UBE2W: variants seen among roughly 807,000 people sequenced by gnomAD.
The protein encoded by UBE2W is ubiquitin conjugating enzyme E2 W, also known as ubiquitin-conjugating enzyme E2 W.
A neutral mutation model predicts 27.2 loss-of-function variants in UBE2W; 18 were observed. The observed-to-expected ratio is 0.66, with a 90% CI of 0.46 to 0.98. UBE2W has a LOEUF of 0.98. UBE2W is among the 50% of genes least tolerant of loss of function. UBE2W has a pLI of 0.00. For synonymous variants in UBE2W, 53 were observed against 57.2 expected (o/e 0.93, Z 0.33); for missense variants, 90 against 180.2 (o/e 0.50, Z 2.87).
intron 1 of UBE2W, among the ~76,000 whole-genome samples, chr8:73,844,682 C>A (rs1170047680): frequency 6.6e-6 from 1 of 151,578 alleles, no homozygotes; most frequent in Non-Finnish European, 1.5e-5. Flanking sequence ...TCCCGGCCGT[C>A]ATCTCGTCTA....
rs1809114549 is a variant in UBE2W, at chr8:73,810,641, T to C, written c.211-12A>G. On this transcript the variant is annotated splice_polypyrimidine_tract_variant and intron_variant, in intron 3 of 5. Coordinates refer to ENST00000602593, the MANE Select transcript of UBE2W (RefSeq NM_018299.6). ...CCAGTAAACATGACCTAAGAGAGAA[T>C]AAAATTCCATTAAAACTCAAATATT... 1 of 1,527,310 alleles carries C rather than the reference T, an allele frequency of 6.5e-7. No individual in the cohort carries two copies. Among genetic ancestry groups the C allele is most frequent in the Non-Finnish European group, 8.8e-7 (1 of 1,139,760 alleles). 94.6% of individuals were successfully genotyped at this position (1,527,310 alleles called of 1,614,324 possible). A position where few individuals can be genotyped will look rare whatever the true frequency, so the allele number is the denominator to read the frequency against.
intron 3 of UBE2W, among the ~76,000 whole-genome samples, chr8:73,819,979 T>C (rs1322892578): frequency 6.6e-6 from 1 of 152,150 alleles, no homozygotes; most frequent in African/African-American, 2.4e-5. Flanking sequence ...TGAAAGACTT[T>C]TCTTTCTTTT....
chr8:73,839,760 G>C (rs1175076508), intron 1 of UBE2W, among the ~76,000 whole-genome samples: 1 of 89,228 alleles, frequency 1.1e-5, no homozygotes, highest in African/African-American at 4.7e-5. Context: ...ACAGAATCTT[G>C]CTCTGCCACC....
intron 1 of UBE2W, among the ~76,000 whole-genome samples, chr8:73,856,734 G>A (rs1360662134): frequency 6.6e-6 from 1 of 150,988 alleles, no homozygotes; most frequent in African/African-American, 2.4e-5. Context: ...GAGACAGGGT[G>A]TTGCTCTATT....
chr8:73,820,125 A>G (rs1563590780), intron 3 of UBE2W, among the ~76,000 whole-genome samples: 1 of 152,148 alleles, frequency 6.6e-6, no homozygotes, highest in Admixed American at 6.5e-5. Context: ...TAATTTAGGT[A>G]ACAAGTGCTA....
At chr8:73,797,845 C>A (rs559041972) in intron 5 of UBE2W, among the ~76,000 whole-genome samples, 25 of 152,310 alleles carry the variant, frequency 1.6e-4, no homozygotes, top group Admixed American at 1.6e-3. Flanking sequence ...CTTCAACAAA[C>A]AGGAGCCTTA....
intron 1 of UBE2W, among the ~76,000 whole-genome samples, chr8:73,861,049 TC>T (rs1172335462): frequency 6.6e-6 from 1 of 152,038 alleles, no homozygotes; most frequent in Non-Finnish European, 1.5e-5. Context: ...TCCTAGAAGT[TC>T]AAGGTTACAG....
chr8:73,855,035 C>T (rs958858286), intron 1 of UBE2W, among the ~76,000 whole-genome samples: 1 of 152,204 alleles, frequency 6.6e-6, no homozygotes, highest in African/African-American at 2.4e-5. Context: ...TGGGCAACCA[C>T]AACTGTAAAT....
intron 1 of UBE2W, among the ~76,000 whole-genome samples, chr8:73,863,327 A>T (rs1183683300): frequency 1.4e-5 from 2 of 144,924 alleles, no homozygotes; most frequent in Non-Finnish European, 3.0e-5. Context: ...CTATCGCAAG[A>T]ACAAAAAACC....
At chr8:73,839,457 AC>A (rs2130924555) in intron 1 of UBE2W, among the ~76,000 whole-genome samples, 1 of 151,944 alleles carries the variant, frequency 6.6e-6, no homozygotes, top group East Asian at 1.9e-4. Context: ...TTTGAGACCA[AC>A]CTGACCAACA....
chr8:73,842,405 T>A (rs1810572732), intron 1 of UBE2W, among the ~76,000 whole-genome samples: 1 of 151,352 alleles, frequency 6.6e-6, no homozygotes, highest in African/African-American at 2.4e-5. Flanking sequence ...GGCGGGCGCC[T>A]GTAGTCCCAG....
At chr8:73,872,901 C>CTT (rs869161392) in intron 1 of UBE2W, among the ~76,000 whole-genome samples, 69 of 132,708 alleles carry the variant, frequency 5.2e-4, no homozygotes, top group African/African-American at 1.8e-3. Flanking sequence ...TTTTTTTTTC[C>CTT]TTTTTTTTTT....
chr8:73,824,645 G>T (rs578116858), intron 3 of UBE2W, among the ~76,000 whole-genome samples: 1 of 152,166 alleles, frequency 6.6e-6, no homozygotes. Flanking sequence ...TTTTGGGATG[G>T]AACTGTTCCA....
At chr8:73,786,077 G>C (rs546001860), downstream of UBE2W, 1 of 434,184 alleles carries the variant, frequency 2.3e-6, no homozygotes, top group South Asian at 9.9e-5. Context: ...GCTTAATGCT[G>C]GTTTTTAAAC....
intron 1 of UBE2W, among the ~76,000 whole-genome samples, chr8:73,840,700 A>C (rs751466398): frequency 6.6e-5 from 10 of 152,272 alleles, no homozygotes; most frequent in Middle Eastern, 3.4e-3. Flanking sequence ...CAAAATCCAC[A>C]TATCCCAGGG....
At chr8:73,839,347 TAAAAAAA>T (rs34467910) in intron 1 of UBE2W, among the ~76,000 whole-genome samples, 4 of 131,710 alleles carry the variant, frequency 3.0e-5, no homozygotes, top group Admixed American at 7.9e-5. Flanking sequence ...TGCTCCTAGT[TAAAAAAA>T]AAAAAAAAAA....
chr8:73,821,481 G>C (rs1809607065), intron 3 of UBE2W, among the ~76,000 whole-genome samples: 1 of 144,194 alleles, frequency 6.9e-6, no homozygotes, highest in African/African-American at 2.5e-5. Flanking sequence ...AGGGGGTGAG[G>C]AATTCTGGGG....
At chr8:73,828,463 T>C (rs1258696730) in intron 2 of UBE2W, among the ~76,000 whole-genome samples, 1 of 152,204 alleles carries the variant, frequency 6.6e-6, no homozygotes, top group Non-Finnish European at 1.5e-5. Context: ...ATTTACACTA[T>C]TCCCAAATTA....
intron 5 of UBE2W, among the ~76,000 whole-genome samples, chr8:73,802,701 C>T (rs1808697210): frequency 6.6e-6 from 1 of 151,280 alleles, no homozygotes; most frequent in Non-Finnish European, 1.5e-5. Context: ...ACCAGCCTGG[C>T]CAACATGGCA....
Sources: allele counts gnomAD v4.1 joint callset (sites outside exome capture counted in the v4.1 genomes callset), GRCh38; gene constraint gnomAD v4.1.1; transcripts MANE v1.5; gene names NCBI Gene and HGNC (gene_info 2026-07-23, HGNC 2026-07-21).